The following RBFOX1 variants were observed in gnomAD, a reference collection of about 807,000 sequenced individuals.
RBFOX1 encodes RNA binding fox-1 homolog 1, also known as RNA binding protein fox-1 homolog 1.
A neutral mutation model predicts 57.7 loss-of-function variants in RBFOX1; 8 were observed. The observed-to-expected ratio is 0.14, with a 90% confidence interval of 0.08 to 0.25. The LOEUF is 0.25. RBFOX1 is among the 10% of genes least tolerant of loss of function. The probability of loss-of-function intolerance (pLI) is 1.00; values close to 1 mark genes in which losing one functional copy is unlikely to be tolerated. For missense variants in RBFOX1, 611 were observed against 548.5 expected, an observed-to-expected ratio of 1.11 and a Z score of -1.14; for synonymous variants, 326 against 222.4, an observed-to-expected ratio of 1.47 and a Z score of -4.15.
chr16:6,777,668 T>G (rs1236365604), intron 3 of RBFOX1, among the ~76,000 whole-genome samples: 1 of 152,144 alleles, frequency 6.6e-6, no homozygotes, highest in Non-Finnish European at 1.5e-5. Flanking sequence ...GACAGTTTCT[T>G]AAATCTGTAG....
At chr16:5,283,739 A>G (rs2151154989) in intron 1 of RBFOX1, among the ~76,000 whole-genome samples, 1 of 152,294 alleles carries the variant, frequency 6.6e-6, no homozygotes, top group East Asian at 1.9e-4. Context: ...CCCCCATTGT[A>G]TCTAGGAAGT....
chr16:5,352,374 T>G (rs1396489662), intron 1 of RBFOX1, among the ~76,000 whole-genome samples: 2 of 152,206 alleles, frequency 1.3e-5, no homozygotes, highest in African/African-American at 4.8e-5. Flanking sequence ...CAACTTTTTG[T>G]CTCAAATAAT....
At chr16:6,808,464 C>G (rs1455518838) in intron 3 of RBFOX1, among the ~76,000 whole-genome samples, 1 of 152,058 alleles carries the variant, frequency 6.6e-6, no homozygotes, top group East Asian at 1.9e-4. Context: ...TCACCCCTTG[C>G]TTCCCCAGTG....
chr16:7,536,536 G>T (rs1341981469), intron 5 of RBFOX1, among the ~76,000 whole-genome samples: 1 of 152,228 alleles, frequency 6.6e-6, no homozygotes, highest in Non-Finnish European at 1.5e-5. Flanking sequence ...GGAGGTTGCA[G>T]TGAGCCAAGA....
intron 1 of RBFOX1, among the ~76,000 whole-genome samples, chr16:6,143,959 C>CTATATA (rs71142686): frequency 0.025 from 3,511 of 139,814 alleles, 76 homozygotes; most frequent in African/African-American, 0.054. Context: ...CCATACTCAG[C>CTATATA]TATATATATA....
chr16:6,752,558 A>T (rs2075115823), intron 3 of RBFOX1, among the ~76,000 whole-genome samples: 1 of 152,210 alleles, frequency 6.6e-6, no homozygotes, highest in Non-Finnish European at 1.5e-5. Context: ...ATTCCTAAAG[A>T]ATAGAGTGAT....
At chr16:5,817,257 G>A (rs147636675) in intron 3 of RBFOX1, among the ~76,000 whole-genome samples, 41 of 152,258 alleles carry the variant, frequency 2.7e-4, no homozygotes, top group Non-Finnish European at 5.1e-4. Context: ...ATTAAACACA[G>A]GTGAAGGATA....
intron 3 of RBFOX1, among the ~76,000 whole-genome samples, chr16:6,677,234 G>T (rs1022853668): frequency 6.6e-6 from 1 of 152,116 alleles, no homozygotes. Context: ...GGTTTTCCGT[G>T]CTCTAGAGAC....
chr16:6,669,034 T>G (rs902219620), intron 3 of RBFOX1, among the ~76,000 whole-genome samples: 3 of 152,182 alleles, frequency 2.0e-5, no homozygotes, highest in African/African-American at 7.2e-5. Context: ...TCTTGATGTG[T>G]GATTGGGTGA....
chr16:7,005,961 C>A (rs2093263000), intron 3 of RBFOX1, among the ~76,000 whole-genome samples: 1 of 152,108 alleles, frequency 6.6e-6, no homozygotes, highest in Non-Finnish European at 1.5e-5. Flanking sequence ...TTCTTTAACC[C>A]CTACTCAGGA....
At chr16:6,717,460 A>C (rs1038057251) in intron 3 of RBFOX1, among the ~76,000 whole-genome samples, 7 of 152,186 alleles carry the variant, frequency 4.6e-5, no homozygotes, top group African/African-American at 1.2e-4. Context: ...ACGTTTTGGC[A>C]CTTGTTACGT....
intron 3 of RBFOX1, among the ~76,000 whole-genome samples, chr16:5,839,104 C>T (rs968169617): frequency 1.3e-5 from 2 of 152,076 alleles, no homozygotes; most frequent in African/African-American, 4.8e-5. Context: ...TTATCTGGTC[C>T]CAAATTTCAA....
chr16:6,905,010 T>C (rs187150253), intron 3 of RBFOX1, among the ~76,000 whole-genome samples: 1 of 152,254 alleles, frequency 6.6e-6, no homozygotes, highest in African/African-American at 2.4e-5. Flanking sequence ...CTTGTTAGCA[T>C]GGTAAAAGAG....
intron 1 of RBFOX1, among the ~76,000 whole-genome samples, chr16:5,445,288 T>A (rs1334019210): frequency 6.6e-6 from 1 of 152,172 alleles, no homozygotes; most frequent in Admixed American, 6.5e-5. Flanking sequence ...AGGTGACTTA[T>A]CTTTCTGACT....
chr16:7,648,373 T>TGG (rs2064192503), intron 11 of RBFOX1, among the ~76,000 whole-genome samples: 1 of 151,980 alleles, frequency 6.6e-6, no homozygotes, highest in Non-Finnish European at 1.5e-5. Context: ...TACAGATGCA[T>TGG]ACCACCACAC....
At chr16:5,346,327 A>T (rs2151305253) in intron 1 of RBFOX1, among the ~76,000 whole-genome samples, 1 of 152,352 alleles carries the variant, frequency 6.6e-6, no homozygotes, top group South Asian at 2.1e-4. Flanking sequence ...TTCAGCACTC[A>T]GAAAATGTCA....
chr16:7,200,072 C>G (rs76595634), intron 4 of RBFOX1, among the ~76,000 whole-genome samples: 4,596 of 152,282 alleles, frequency 0.03, 114 homozygotes, highest in South Asian at 0.091. Context: ...AAGTCAGATA[C>G]TAGTCATAAT....
intron 2 of RBFOX1, among the ~76,000 whole-genome samples, chr16:6,449,188 T>C (rs1356181119): frequency 6.6e-6 from 1 of 152,218 alleles, no homozygotes; most frequent in African/African-American, 2.4e-5. Context: ...GGTCAAGTGC[T>C]GCACATAGCA....
At chr16:6,424,372 A>C (rs1454657223) in intron 2 of RBFOX1, among the ~76,000 whole-genome samples, 1 of 152,182 alleles carries the variant, frequency 6.6e-6, no homozygotes, top group Non-Finnish European at 1.5e-5. Context: ...GTCTCATTCC[A>C]CTGGGTGCTT....
Sources: allele counts gnomAD v4.1 joint callset (sites outside exome capture counted in the v4.1 genomes callset), GRCh38; gene constraint gnomAD v4.1.1; transcripts MANE v1.5; gene names NCBI Gene and HGNC (gene_info 2026-07-23, HGNC 2026-07-21).